The following GPR107 variants were observed in gnomAD, a reference collection of about 807,000 sequenced individuals.
GPR107 encodes the protein G protein-coupled receptor 107, also known as protein GPR107.
A neutral mutation model predicts 75.5 loss-of-function variants in GPR107; 31 were observed. That is an observed-to-expected ratio of 0.41 (90% confidence interval 0.31 to 0.55). GPR107 has a LOEUF of 0.55. Ranked by LOEUF, GPR107 falls within the 20% of genes least tolerant of loss-of-function variation. GPR107 has a pLI of 0.26. For synonymous variants in GPR107, 267 were observed against 251.3 expected, an observed-to-expected ratio of 1.06 and a Z score of -0.59; for missense variants, 572 against 665.7, an observed-to-expected ratio of 0.86 and a Z score of 1.55.
intron 1 of GPR107, among the ~76,000 whole-genome samples, chr9:130,073,705 G>A (rs890997367): frequency 1.3e-5 from 2 of 152,190 alleles, no homozygotes; most frequent in African/African-American, 4.8e-5. Context: ...TCCCTGTGAC[G>A]TTGCAGAAAC....
At position 130,135,279 on chromosome 9, in the gene GPR107, G is replaced by A. The variant is rs1554899787; in HGVS notation, c.*158G>A. 2 of 517,436 alleles carry A rather than the reference G, an allele frequency of 3.9e-6. No homozygotes were observed. Among genetic ancestry groups the A allele is most frequent in the South Asian group, 5.1e-5 (2 of 38,888 alleles). 32.1% of individuals were successfully genotyped at this position (517,436 alleles called of 1,614,324 possible). ...CACAGTGCCGCGGAAACCTGATTTT[G>A]TACTCTCTTTTATGGAAACGATCTG... is the stretch of plus-strand genomic sequence containing the variant. On this transcript the variant is annotated 3_prime_UTR_variant, in exon 18 of 18. Coordinates refer to ENST00000347136, the MANE Select transcript of GPR107 (RefSeq NM_020960.5).
intron 5 of GPR107, 88 bp downstream of exon 5, chr9:130,079,857 G>C: frequency 1.3e-6 from 1 of 794,134 alleles, no homozygotes; most frequent in Non-Finnish European, 1.9e-6. Context: ...AGTAAAACAT[G>C]ATCTGTTGTC....
chr9:130,092,450 T>A, intron 9 of GPR107, 69 bp downstream of exon 9: 8 of 1,308,896 alleles, frequency 6.1e-6, no homozygotes, highest in Non-Finnish European at 8.8e-6. Flanking sequence ...TGTTGGCTCC[T>A]GAACCTGGAG....
intron 1 of GPR107, among the ~76,000 whole-genome samples, chr9:130,067,564 A>C (rs531141289): frequency 6.6e-6 from 1 of 152,084 alleles, no homozygotes; most frequent in South Asian, 2.1e-4. Flanking sequence ...TCTTCTGTGT[A>C]GTTCTTCTCT....
intron 7 of GPR107, among the ~76,000 whole-genome samples, chr9:130,087,785 G>A (rs1830648266): frequency 8.3e-6 from 1 of 120,898 alleles, no homozygotes; most frequent in Non-Finnish European, 1.6e-5. Flanking sequence ...CAGCCTGGGT[G>A]ACAGAGTGAG....
intron 9 of GPR107, among the ~76,000 whole-genome samples, chr9:130,098,291 G>A (rs1440119842): frequency 1.3e-5 from 2 of 152,166 alleles, no homozygotes; most frequent in Admixed American, 6.5e-5. Context: ...CTGTGATGGG[G>A]TGGGCATGGG....
intron 14 of GPR107, among the ~76,000 whole-genome samples, chr9:130,124,638 A>G (rs1831628772): frequency 6.6e-6 from 1 of 152,178 alleles, no homozygotes. Context: ...TACTCCCACC[A>G]TAGCCAGGTT....
At chr9:130,106,725 A>T (rs927664528) in intron 13 of GPR107, among the ~76,000 whole-genome samples, 11 of 152,062 alleles carry the variant, frequency 7.2e-5, no homozygotes, top group African/African-American at 2.7e-4. Flanking sequence ...TTCAGTTCTC[A>T]AGCAGATAGC....
chr9:130,087,601 G>A (rs1830644199), intron 7 of GPR107, among the ~76,000 whole-genome samples: 1 of 151,954 alleles, frequency 6.6e-6, no homozygotes, highest in Non-Finnish European at 1.5e-5. Context: ...AGGAGTTCAA[G>A]ACTATCCTGG....
At chr9:130,087,932 A>G (rs772573708) in intron 7 of GPR107, among the ~76,000 whole-genome samples, 3 of 151,778 alleles carry the variant, frequency 2.0e-5, no homozygotes, top group Non-Finnish European at 4.4e-5. Context: ...CTGTGTTTCC[A>G]TCTTCTGCGA....
rs1259875673 is a variant in GPR107 at position 130,138,021 on chromosome 9, C to A, written c.*2900C>A. On this transcript the variant is annotated 3_prime_UTR_variant, in exon 18 of 18. Transcript: ENST00000347136. ...TGTATGCTTTGCTAGAAAATTATTT[C>A]TTGGACAATAGGAACAGTCATTGAT... 2 of 152,220 alleles carry A rather than the reference C, an allele frequency of 1.3e-5. No individual in the cohort carries two copies. The highest frequency in any genetic ancestry group is 6.5e-5 in the Admixed American group (1 of 15,286). The allele number at this position is 152,220 out of a possible 1,614,324, so 9.4% of individuals were successfully genotyped here.
rs143525142 is a variant in GPR107, at chr9:130,137,047, G to A, written c.*1926G>A. 1 of 152,322 alleles carries A rather than the reference G, an allele frequency of 6.6e-6. No individual in the cohort carries two copies. The highest frequency in any genetic ancestry group is 1.9e-4 in the East Asian group (1 of 5,180). 9.4% of individuals were successfully genotyped at this position (152,322 alleles called of 1,614,324 possible). A position where few individuals can be genotyped will look rare whatever the true frequency, so the allele number is the denominator to read the frequency against. ...ATAATACCAGTTTTCGCAGAAATGTGTCTCAATCTGTGACTACCAAAGCCC... is the reference window on the plus strand; with the variant it reads ...ATAATACCAGTTTTCGCAGAAATGTATCTCAATCTGTGACTACCAAAGCCC... On this transcript the variant is annotated 3_prime_UTR_variant, in exon 18 of 18. Coordinates refer to ENST00000347136, the MANE Select transcript of GPR107 (RefSeq NM_020960.5).
Position 130,124,969 on chromosome 9 carries a change from G to T in GPR107, c.1356+5G>T. On this transcript the variant is annotated splice_donor_5th_base_variant and intron_variant, in intron 15 of 17. Coordinates refer to ENST00000347136, the MANE Select transcript of GPR107 (RefSeq NM_020960.5). ...TTCAGACATTATTACGTCTTGGTAA[G>T]TAAAAAAAAAAAAAATCCTCAATCT... is the stretch of plus-strand genomic sequence containing the variant. The T allele has an allele frequency of 1.9e-6, 2 of 1,080,148 alleles. No homozygotes were observed. Among genetic ancestry groups the T allele is most frequent in the Non-Finnish European group, 2.5e-6 (2 of 815,718 alleles). 66.9% of individuals were successfully genotyped at this position (1,080,148 alleles called of 1,614,324 possible).
At chr9:130,081,384 A>G (rs1830490057) in intron 5 of GPR107, among the ~76,000 whole-genome samples, 1 of 151,356 alleles carries the variant, frequency 6.6e-6, no homozygotes, top group South Asian at 2.1e-4. Context: ...CTAAAAATAC[A>G]AAAATTAGGC....
intron 14 of GPR107, among the ~76,000 whole-genome samples, chr9:130,119,068 G>A (rs141307311): frequency 3.4e-4 from 52 of 152,336 alleles, no homozygotes; most frequent in Non-Finnish European, 5.0e-4. Flanking sequence ...GCCACAGTCC[G>A]GTGAGCAGCA....
chr9:130,131,172 C>T (rs1171811910), intron 17 of GPR107, among the ~76,000 whole-genome samples: 2 of 152,190 alleles, frequency 1.3e-5, no homozygotes, highest in African/African-American at 4.8e-5. Context: ...GCCGTATGTT[C>T]CTGCCAGGGA....
chr9:130,087,082 G>C (rs1205222222), intron 7 of GPR107, among the ~76,000 whole-genome samples: 2 of 152,032 alleles, frequency 1.3e-5, no homozygotes, highest in Non-Finnish European at 2.9e-5. Flanking sequence ...CTGTTGCCCA[G>C]GCTGGAGTGC....
At position 130,131,517 on chromosome 9, in the gene GPR107, G is replaced by A. The variant is rs202010393; in HGVS notation, c.1562+2756G>A. Among the ~76,000 whole-genome samples, 18 of 152,018 alleles carry A rather than the reference G, an allele frequency of 1.2e-4. No homozygotes were observed. In the East Asian group the frequency reaches 2.7e-3, roughly 23 times the overall value. On this transcript the variant is annotated intron_variant, in intron 17 of 17. Transcript: ENST00000347136. ...ACCCTTACTCCCGTTCTCCCTCTTC[G>A]CACTCCCAGGACTCACCCAAGCCCA...
chr9:130,064,291 G>A (rs10819595), intron 1 of GPR107, among the ~76,000 whole-genome samples: 84,930 of 142,982 alleles, frequency 0.59, 24,790 homozygotes, highest in East Asian at 0.81. Context: ...TCCGCTTCCC[G>A]GGTTCACGCC....
Sources: gnomAD v4.1 joint callset for allele counts (sites outside exome capture counted in the v4.1 genomes callset) on GRCh38, gnomAD v4.1.1 for gene constraint, MANE v1.5 for transcripts, NCBI Gene and HGNC (gene_info 2026-07-23, HGNC 2026-07-21) for gene names.